Variants in CCDC102A observed in about 807,000 individuals in gnomAD.
CCDC102A encodes coiled-coil domain-containing protein 102A.
CCDC102A carries 40 observed loss-of-function variants against 55.5 expected under a neutral mutation model. The ratio of observed to expected loss-of-function variants is 0.72; its 90% CI spans 0.56 to 0.94. CCDC102A has a LOEUF of 0.94. Ranked by LOEUF, CCDC102A falls within the 40% of genes least tolerant of loss-of-function variation. The pLI, the probability that CCDC102A is intolerant of heterozygous loss-of-function variation, is 0.00. For synonymous variants in CCDC102A, 323 were observed against 339.0 expected (o/e 0.95, Z 0.52); for missense variants, 779 against 768.6 (o/e 1.01, Z -0.16).
In CCDC102A at chr16:57,512,787, G is replaced by T; in HGVS notation, c.1607C>A (p.Thr536Asn). The change falls in exon 9 of 9, where the codon ACC becomes AAC. Residue 536 changes from threonine to asparagine, a missense_variant. Physicochemically the swap from Thr to Asn is moderately conservative, Grantham distance 65. Transcript: ENST00000258214. ...RFGTEEAEDG[T>N]SDLDEDEDLQ... ...GTCCTCGTCCTCGTCCAGGTCACTG[G>T]TTCCATCCTCGGCCTCCTCGGTGCC... is the stretch of plus-strand genomic sequence containing the variant. 1.2e-6 allele frequency: 2 copies of T among 1,614,166 alleles called. No homozygotes were observed. The highest frequency in any genetic ancestry group is 1.7e-6 in the Non-Finnish European group (2 of 1,179,988).
Position 57,521,195 on chromosome 16 carries a change from TG to T in CCDC102A, c.813-20del. 2 of 1,589,410 alleles carry T rather than the reference TG, an allele frequency of 1.3e-6. No homozygotes were observed. ...TTTATCCCTGGGGAAGGGACAGACA[TG>T]GGGGTGAGCCCACCAAGGCCCTCTG... On this transcript the variant is annotated intron_variant, in intron 3 of 8. Coordinates refer to ENST00000258214, the MANE Select transcript of CCDC102A (RefSeq NM_033212.4).
chr16:57,519,892 T>C (rs2032015924), intron 4 of CCDC102A, among the ~76,000 whole-genome samples: 1 of 152,204 alleles, frequency 6.6e-6, no homozygotes, highest in Non-Finnish European at 1.5e-5. Flanking sequence ...TCCTCCCAGC[T>C]GCTAGAAACC....
In CCDC102A at chr16:57,512,229, T is replaced by A. The variant is rs1364628087; in HGVS notation, c.*512A>T. The A allele has an allele frequency of 1.0e-5, 4 of 393,680 alleles. No individual in the cohort carries two copies. The highest frequency in any genetic ancestry group is 1.8e-5 in the Non-Finnish European group (4 of 223,712). 24.4% of individuals were successfully genotyped at this position (393,680 alleles called of 1,614,324 possible). On this transcript the variant is annotated 3_prime_UTR_variant, in exon 9 of 9. Transcript: ENST00000258214. ...TTACTTGACATTCCTGAGCTCTGGT[T>A]CAGCGTCAGGTGCAGGCCGATGCCG...
chr16:57,532,912 C>T (rs1375013676), intron 1 of CCDC102A, among the ~76,000 whole-genome samples: 1 of 152,198 alleles, frequency 6.6e-6, no homozygotes, highest in Non-Finnish European at 1.5e-5. Flanking sequence ...TCTGCTGGGC[C>T]CTTCTTGCAG....
intron 4 of CCDC102A, 46 bp from the exon 5 acceptor site, chr16:57,518,787 A>G (rs1243344014): frequency 1.3e-6 from 2 of 1,483,220 alleles, no homozygotes; most frequent in Middle Eastern, 1.8e-4. Context: ...ACCAGGATAT[A>G]GCCTGGAACC....
chr16:57,528,026 C>T (rs2032171794), intron 2 of CCDC102A, among the ~76,000 whole-genome samples: 1 of 152,204 alleles, frequency 6.6e-6, no homozygotes, highest in African/African-American at 2.4e-5. Context: ...TATTTCACTG[C>T]AACCTCGACT....
At chr16:57,536,328 G>A (rs911049497) in intron 1 of CCDC102A, among the ~76,000 whole-genome samples, 172 bp downstream of exon 1, 10 of 152,232 alleles carry the variant, frequency 6.6e-5, no homozygotes, top group Admixed American at 6.5e-4. Context: ...CCGGGGAGGC[G>A]TCTAGAAAGT....
At chr16:57,525,732 T>C (rs539106485) in intron 3 of CCDC102A, among the ~76,000 whole-genome samples, 169 bp downstream of exon 3, 57 of 152,368 alleles carry the variant, frequency 3.7e-4, no homozygotes, top group African/African-American at 1.3e-3. Context: ...TTTGAATGAA[T>C]AAATAAAAAC....
intron 3 of CCDC102A, 33 bp downstream of exon 3, chr16:57,525,868 T>C (rs1378336971): frequency 6.3e-7 from 1 of 1,594,368 alleles, no homozygotes; most frequent in Non-Finnish European, 8.6e-7. Flanking sequence ...GGCCTGGCCC[T>C]GGCCCTGCCC....
rs528541278 is a variant in CCDC102A, at chr16:57,520,049, T to C, written c.921+1019A>G. Among the ~76,000 whole-genome samples the C allele has an allele frequency of 2.6e-5, 4 of 152,306 alleles. No individual in the cohort carries two copies. In the East Asian group the frequency reaches 7.7e-4, roughly 29 times the overall value. On this transcript the variant is annotated intron_variant, in intron 4 of 8. Transcript: ENST00000258214. ...CTTCTCTGGAGCCTCAGTTTCCCTA[T>C]CTGTAAGATGGGGACATGAGGACCC...
At chr16:57,515,914 C>T (rs72791612) in intron 7 of CCDC102A, among the ~76,000 whole-genome samples, 11,847 of 151,830 alleles carry the variant, frequency 0.078, 603 homozygotes, top group East Asian at 0.19. Flanking sequence ...CACCCACTGA[C>T]CCAGTCAGCT....
chr16:57,525,640 A>AG (rs2032125930), intron 3 of CCDC102A, among the ~76,000 whole-genome samples: 1 of 152,174 alleles, frequency 6.6e-6, no homozygotes, highest in Non-Finnish European at 1.5e-5. Flanking sequence ...TCAGGAAGGC[A>AG]GGGGCTTCTG....
intron 4 of CCDC102A, among the ~76,000 whole-genome samples, chr16:57,520,564 AAC>A (rs2032028129): frequency 7.5e-6 from 1 of 133,372 alleles, no homozygotes; most frequent in East Asian, 2.0e-4. Flanking sequence ...AACATAACAT[AAC>A]ATAACATAAC....
intron 1 of CCDC102A, among the ~76,000 whole-genome samples, chr16:57,532,787 G>A (rs1472170390): frequency 6.6e-6 from 1 of 152,072 alleles, no homozygotes; most frequent in African/African-American, 2.4e-5. Flanking sequence ...ACATAGAGAA[G>A]CTCTTGGAAA....
rs535657917 is a variant in CCDC102A, at chr16:57,512,798, G to A, written c.1596C>T (p.Ala532=). 45 of 1,614,076 alleles carry A rather than the reference G, an allele frequency of 2.8e-5. No homozygotes were observed. The highest frequency in any genetic ancestry group is 2.6e-4 in the South Asian group (24 of 91,080). The change falls in exon 9 of 9, where the codon GCC becomes GCT. Residue 532 remains alanine, a synonymous_variant. Coordinates refer to ENST00000258214, the MANE Select transcript of CCDC102A (RefSeq NM_033212.4). ...IRSARFGTEE[A]EDGTSDLDED... ...CGTCCAGGTCACTGGTTCCATCCTC[G>A]GCCTCCTCGGTGCCAAAGCGAGCAC...
chr16:57,524,788 T>C (rs1225176807), intron 3 of CCDC102A, among the ~76,000 whole-genome samples: 1 of 152,222 alleles, frequency 6.6e-6, no homozygotes, highest in East Asian at 1.9e-4. Flanking sequence ...AACTGCAGAA[T>C]ATTCATTATC....
Position 57,529,391 on chromosome 16 carries a change from G to T in CCDC102A, c.-147-67C>A. 6.7e-6 allele frequency: 3 copies of T among 450,396 alleles called. No individual in the cohort carries two copies. Among genetic ancestry groups the T allele is most frequent in the African/African-American group, 2.1e-5 (1 of 47,186 alleles). The allele number at this position is 450,396 out of a possible 1,614,324, so 27.9% of individuals were successfully genotyped here. A position where few individuals can be genotyped will look rare whatever the true frequency, so the allele number is the denominator to read the frequency against. On this transcript the variant is annotated intron_variant, in intron 1 of 8. Coordinates refer to ENST00000258214, the MANE Select transcript of CCDC102A (RefSeq NM_033212.4). This position sits in a 1 kb window ranked among gnomAD's most constrained non-coding sequence, Gnocchi z 4.1. ...AGTCTCGAAGATCAGCCGCGCCAAG[G>T]CCCTGGCGGAGGGAACAGAACGGCC... is the stretch of plus-strand genomic sequence containing the variant.
At chr16:57,535,931 G>A (rs1350437294) in intron 1 of CCDC102A, among the ~76,000 whole-genome samples, 3 of 152,162 alleles carry the variant, frequency 2.0e-5, no homozygotes, top group Non-Finnish European at 4.4e-5. Flanking sequence ...TGAAGCCCCA[G>A]CCCTGCGTCG....
chr16:57,523,476 ATTTT>A (rs766409543), intron 3 of CCDC102A, among the ~76,000 whole-genome samples: 1 of 144,340 alleles, frequency 6.9e-6, no homozygotes, highest in East Asian at 2.0e-4. Context: ...CATTATAGTG[ATTTT>A]TTTTTTTTTT....
Sources: gnomAD v4.1 joint callset for allele counts (sites outside exome capture counted in the v4.1 genomes callset) on GRCh38, gnomAD v4.1.1 for gene constraint, Gnocchi (gnomAD v3.1) non-coding constraint, MANE v1.5 for transcripts, NCBI Gene and HGNC (gene_info 2026-07-23, HGNC 2026-07-21) for gene names.